PTPRD: variants seen among roughly 807,000 people sequenced by gnomAD.
PTPRD encodes receptor-type tyrosine-protein phosphatase delta.
A neutral mutation model predicts 214.5 loss-of-function variants in PTPRD; 34 were observed. The ratio of observed to expected loss-of-function variants is 0.16; its 90% CI spans 0.12 to 0.21. PTPRD has a LOEUF of 0.21. Among genes scored for constraint, PTPRD ranks in the 10% least tolerant of loss-of-function variants. The probability of loss-of-function intolerance (pLI) is 1.00; values close to 1 mark genes in which losing one functional copy is unlikely to be tolerated. For missense variants in PTPRD, 2,545 were observed against 2,398.7 expected (o/e 1.06, Z -1.27); for synonymous variants, 1,128 against 845.7 (o/e 1.33, Z -5.79).
At chr9:9,365,066 C>T (rs1342489711) in intron 9 of PTPRD, among the ~76,000 whole-genome samples, 1 of 151,406 alleles carries the variant, frequency 6.6e-6, no homozygotes, top group Non-Finnish European at 1.5e-5. Flanking sequence ...AAACTGGAAA[C>T]ATGTCACCGT....
chr9:10,103,935 C>G (rs1281725322), intron 3 of PTPRD, among the ~76,000 whole-genome samples: 1 of 151,552 alleles, frequency 6.6e-6, no homozygotes, highest in Admixed American at 6.6e-5. Flanking sequence ...AATGGATAAA[C>G]AAAATAAATA....
intron 12 of PTPRD, among the ~76,000 whole-genome samples, chr9:8,662,672 C>G (rs2097087905): frequency 6.6e-6 from 1 of 152,166 alleles, no homozygotes; most frequent in Admixed American, 6.5e-5. Flanking sequence ...CCCCAATACT[C>G]CCTACTGCCT....
At chr9:10,142,299 C>T (rs2098991400) in intron 3 of PTPRD, among the ~76,000 whole-genome samples, 1 of 151,312 alleles carries the variant, frequency 6.6e-6, no homozygotes, top group Non-Finnish European at 1.5e-5. Context: ...TAAAGAGCTT[C>T]TGCACAGCAA....
chr9:10,158,771 G>C (rs2099109466), intron 3 of PTPRD, among the ~76,000 whole-genome samples: 1 of 152,130 alleles, frequency 6.6e-6, no homozygotes, highest in Non-Finnish European at 1.5e-5. Context: ...AAATGAGATT[G>C]AGATGGGCAA....
At chr9:10,115,131 A>C (rs1449919148) in intron 3 of PTPRD, among the ~76,000 whole-genome samples, 3 of 152,022 alleles carry the variant, frequency 2.0e-5, no homozygotes, top group African/African-American at 7.2e-5. Context: ...AGCAGTAAAA[A>C]TACGAGGATT....
chr9:8,347,469 G>C (rs1303438025), intron 39 of PTPRD, among the ~76,000 whole-genome samples: 1 of 152,078 alleles, frequency 6.6e-6, no homozygotes, highest in East Asian at 1.9e-4. Context: ...GGGGGAATCT[G>C]ACATTAAATA....
intron 8 of PTPRD, among the ~76,000 whole-genome samples, chr9:9,438,735 A>T (rs1304838336): frequency 6.6e-6 from 1 of 152,336 alleles, no homozygotes; most frequent in South Asian, 2.1e-4. Flanking sequence ...TTGCAATTTG[A>T]GAAGAAAATT....
intron 3 of PTPRD, among the ~76,000 whole-genome samples, chr9:10,262,047 C>T (rs555456412): frequency 1.3e-4 from 19 of 151,882 alleles, no homozygotes; most frequent in African/African-American, 2.2e-4. Flanking sequence ...AATCAAAGGC[C>T]GAAGATGCTA....
chr9:9,510,052 C>G (rs1406011100), intron 8 of PTPRD, among the ~76,000 whole-genome samples: 1 of 151,594 alleles, frequency 6.6e-6, no homozygotes, highest in Non-Finnish European at 1.5e-5. Flanking sequence ...CTCAAAATTG[C>G]TACATCTCAT....
At chr9:8,773,202 C>G (rs2095310163) in intron 11 of PTPRD, among the ~76,000 whole-genome samples, 1 of 152,116 alleles carries the variant, frequency 6.6e-6, no homozygotes, top group Non-Finnish European at 1.5e-5. Context: ...CATGCATTTG[C>G]TGGTCAGCAC....
intron 34 of PTPRD, among the ~76,000 whole-genome samples, chr9:8,447,661 CATT>C (rs1475590373): frequency 6.6e-6 from 1 of 152,284 alleles, no homozygotes; most frequent in Admixed American, 6.5e-5. Flanking sequence ...TTCCCGGAAA[CATT>C]TTCTGTTGGT....
intron 8 of PTPRD, among the ~76,000 whole-genome samples, chr9:9,460,451 T>C (rs908003178): frequency 3.3e-5 from 5 of 151,534 alleles, no homozygotes; most frequent in Non-Finnish European, 4.4e-5. Context: ...AGAACTAACA[T>C]CCAGAATCTA....
chr9:9,584,359 C>CGTTATTATT (rs1554649145), intron 7 of PTPRD, among the ~76,000 whole-genome samples: 1 of 149,146 alleles, frequency 6.7e-6, no homozygotes, highest in African/African-American at 2.5e-5. Flanking sequence ...ATTTCATCAC[C>CGTTATTATT]ATTATTATTA....
chr9:9,550,838 A>G (rs1251571565), intron 8 of PTPRD, among the ~76,000 whole-genome samples: 2 of 151,964 alleles, frequency 1.3e-5, no homozygotes, highest in Admixed American at 1.3e-4. Flanking sequence ...ATATAAGTAC[A>G]TGAAAATATG....
chr9:9,356,748 G>T (rs1357514016), intron 9 of PTPRD, among the ~76,000 whole-genome samples: 1 of 151,266 alleles, frequency 6.6e-6, no homozygotes, highest in African/African-American at 2.4e-5. Flanking sequence ...CATTTGCAAA[G>T]ACAATACTCC....
chr9:8,805,517 A>C lies in PTPRD; in HGVS notation c.-103-71571T>G, dbSNP rs538580459. ...ACCTCAATTGCAATAGAAAAAAAAAACAGAAAAATAAATATAGACAGAATA... is the reference window on the plus strand; with the variant it reads ...ACCTCAATTGCAATAGAAAAAAAAACCAGAAAAATAAATATAGACAGAATA... On this transcript the variant is annotated intron_variant, in intron 11 of 45. Transcript: ENST00000381196. 3.9e-5 allele frequency among the ~76,000 whole-genome samples: 6 copies of C among 152,102 alleles called. No homozygotes were observed. In the East Asian group the frequency reaches 5.8e-4, roughly 15 times the overall value.
At chr9:10,567,818 C>G (rs2066097924) in intron 2 of PTPRD, among the ~76,000 whole-genome samples, 1 of 151,636 alleles carries the variant, frequency 6.6e-6, no homozygotes, top group Non-Finnish European at 1.5e-5. Context: ...GTTTAGAATT[C>G]AGGTGTCACC....
intron 35 of PTPRD, among the ~76,000 whole-genome samples, chr9:8,418,097 A>C (rs2094080371): frequency 6.6e-6 from 1 of 152,192 alleles, no homozygotes; most frequent in Admixed American, 6.6e-5. Flanking sequence ...GGCTATAATC[A>C]GTCCTAGTGA....
At chr9:8,371,836 T>A (rs1002456329) in intron 39 of PTPRD, among the ~76,000 whole-genome samples, 2 of 152,126 alleles carry the variant, frequency 1.3e-5, no homozygotes, top group Admixed American at 1.3e-4. Flanking sequence ...CAGATAAATA[T>A]CTTTGGCTGA....
Sources: allele counts gnomAD v4.1 joint callset (sites outside exome capture counted in the v4.1 genomes callset), GRCh38; gene constraint gnomAD v4.1.1; transcripts MANE v1.5; gene names NCBI Gene and HGNC (gene_info 2026-07-23, HGNC 2026-07-21).